The following CGRRF1 variants were observed in gnomAD, a reference collection of about 807,000 sequenced individuals.
The protein encoded by CGRRF1 is cell growth regulator with RING finger domain protein 1.
In CGRRF1, 32 loss-of-function variants were observed where a neutral mutation model predicts 37.2. The observed-to-expected ratio is 0.86, with a 90% confidence interval of 0.65 to 1.16. The LOEUF (loss-of-function observed/expected upper bound fraction) is 1.16, where lower values mean the gene tolerates loss of function less well. CGRRF1 is among the 50% of genes most tolerant of loss of function. CGRRF1 has a pLI of 0.00. For synonymous variants in CGRRF1, 141 were observed against 140.3 expected, an observed-to-expected ratio of 1.00 and a Z score of -0.04; for missense variants, 391 against 382.6, an observed-to-expected ratio of 1.02 and a Z score of -0.18.
chr14:54,538,266 G>C lies in CGRRF1; in HGVS notation c.882G>C (p.Leu294=), dbSNP rs775856358. 1 of 1,614,112 alleles carries C rather than the reference G, an allele frequency of 6.2e-7. No homozygotes were observed. Among genetic ancestry groups the C allele is most frequent in the Non-Finnish European group, 8.5e-7 (1 of 1,179,936 alleles). ...TCTTACCATGCAGACACACATGCCT[G>C]TGTGATGGCTGTGTGAAGTATTTTC... is the stretch of plus-strand genomic sequence containing the variant. ...WVLLPCRHTC[L]CDGCVKYFQQ... Residue 294 remains leucine, a synonymous_variant, in exon 6 of 6, where the codon CTG becomes CTC. Coordinates refer to ENST00000216420, the MANE Select transcript of CGRRF1 (RefSeq NM_006568.3).
intron 1 of CGRRF1, among the ~76,000 whole-genome samples, chr14:54,520,258 A>G (rs1036146901): frequency 3.3e-5 from 5 of 151,928 alleles, no homozygotes; most frequent in South Asian, 2.1e-4. Flanking sequence ...GCAGGCGCCC[A>G]CCACCACGCC....
At chr14:54,534,014 G>A (rs2032562053) in intron 4 of CGRRF1, among the ~76,000 whole-genome samples, 1 of 152,040 alleles carries the variant, frequency 6.6e-6, no homozygotes, top group African/African-American at 2.4e-5. Context: ...CTTTCACTTA[G>A]TAGTATATTC....
At chr14:54,532,996 G>A (rs2032540901) in intron 4 of CGRRF1, among the ~76,000 whole-genome samples, 1 of 151,700 alleles carries the variant, frequency 6.6e-6, no homozygotes, top group Non-Finnish European at 1.5e-5. Flanking sequence ...TTTTCCTTTG[G>A]TTCAGCACAA....
intron 1 of CGRRF1, among the ~76,000 whole-genome samples, chr14:54,512,491 G>A (rs964378576): frequency 1.3e-5 from 2 of 152,132 alleles, no homozygotes; most frequent in Admixed American, 6.5e-5. Flanking sequence ...AGCTATTCCC[G>A]GCCTCCTCTT....
At chr14:54,524,553 A>AT (rs1018414005) in intron 2 of CGRRF1, among the ~76,000 whole-genome samples, 48 of 151,792 alleles carry the variant, frequency 3.2e-4, no homozygotes, top group African/African-American at 1.0e-3. Context: ...GCCTGGCTAA[A>AT]TAAAAAAAAA....
chr14:54,521,778 A>G (rs1269580444), intron 1 of CGRRF1, among the ~76,000 whole-genome samples: 1 of 152,126 alleles, frequency 6.6e-6, no homozygotes, highest in Non-Finnish European at 1.5e-5. Context: ...AAGTGCTGGG[A>G]TTACAGGCAT....
chr14:54,509,952 A>G lies in CGRRF1; in HGVS notation c.-8A>G, dbSNP rs199796624. On this transcript the variant is annotated 5_prime_UTR_variant, in exon 1 of 6. Transcript: ENST00000216420. ...CTGGAGCCGGGCTCTACCCAGAGCAAGACCCTGATGGCTGCGGTGTTTCTG... is the reference window on the plus strand; with the variant it reads ...CTGGAGCCGGGCTCTACCCAGAGCAGGACCCTGATGGCTGCGGTGTTTCTG... 1.3e-3 allele frequency: 2,057 copies of G among 1,606,648 alleles called. 11 individuals carry two copies. The highest frequency in any genetic ancestry group is 2.5e-3 in the Middle Eastern group (15 of 6,044).
intron 2 of CGRRF1, among the ~76,000 whole-genome samples, chr14:54,523,745 A>C (rs2032361378): frequency 6.6e-6 from 1 of 152,180 alleles, no homozygotes; most frequent in Admixed American, 6.5e-5. Flanking sequence ...AAAGAATAGC[A>C]AGTTTCCAAA....
intron 1 of CGRRF1, among the ~76,000 whole-genome samples, chr14:54,514,818 C>T (rs1268051388): frequency 6.6e-6 from 1 of 152,162 alleles, no homozygotes; most frequent in Admixed American, 6.5e-5. Flanking sequence ...TTATTCAGGT[C>T]ATAATTTAAA....
rs1566514788 is a variant in CGRRF1 at position 54,538,248 on chromosome 14, A to G, written c.864A>G (p.Pro288=). Residue 288 remains proline, a synonymous_variant, in exon 6 of 6, where the codon CCA becomes CCG. Transcript: ENST00000216420. ...GGACTGTGAACTGGGTACTCTTACC[A>G]TGCAGACACACATGCCTGTGTGATG... ...QNGTVNWVLL[P]CRHTCLCDGC... 1.2e-6 allele frequency: 2 copies of G among 1,614,206 alleles called. No homozygotes were observed. The highest frequency in any genetic ancestry group is 1.7e-6 in the Non-Finnish European group (2 of 1,180,028).
chr14:54,539,142 C>G lies in CGRRF1; in HGVS notation c.*759C>G, dbSNP rs2140069895. The G allele has an allele frequency of 6.6e-6, 1 of 152,242 alleles. No homozygotes were observed. The highest frequency in any genetic ancestry group is 2.4e-5 in the African/African-American group (1 of 41,554). 9.4% of individuals were successfully genotyped at this position (152,242 alleles called of 1,614,324 possible). A position where few individuals can be genotyped will look rare whatever the true frequency, so the allele number is the denominator to read the frequency against. On this transcript the variant is annotated 3_prime_UTR_variant, in exon 6 of 6. Transcript: ENST00000216420. ...ATCTGTGAGACCTTTAATGCCTTACCTTAGATTTCTGCCTGCACAGCAAAT... is the reference window on the plus strand; with the variant it reads ...ATCTGTGAGACCTTTAATGCCTTACGTTAGATTTCTGCCTGCACAGCAAAT...
intron 2 of CGRRF1, among the ~76,000 whole-genome samples, chr14:54,528,386 G>T (rs1478246506): frequency 2.0e-5 from 3 of 151,322 alleles, no homozygotes; most frequent in Non-Finnish European, 4.4e-5. Context: ...GAACATTTGG[G>T]TTTATTCCAG....
intron 2 of CGRRF1, among the ~76,000 whole-genome samples, chr14:54,529,731 TA>T (rs1313241081): frequency 2.0e-4 from 31 of 152,222 alleles, no homozygotes; most frequent in African/African-American, 6.8e-4. Context: ...TAGTGAACTG[TA>T]TTTTAGTTTT....
In CGRRF1 at chr14:54,509,959, G is replaced by A. The variant is rs1367653162; in HGVS notation, c.-1G>A. 5 of 1,611,174 alleles carry A rather than the reference G, an allele frequency of 3.1e-6. No individual in the cohort carries two copies. The highest frequency in any genetic ancestry group is 3.3e-5 in the Admixed American group (2 of 60,000). ...CGGGCTCTACCCAGAGCAAGACCCT[G>A]ATGGCTGCGGTGTTTCTGGTAACGC... On this transcript the variant is annotated 5_prime_UTR_variant, in exon 1 of 6. Transcript: ENST00000216420.
At position 54,538,760 on chromosome 14, in the gene CGRRF1, T is replaced by G. The variant is rs1444042428; in HGVS notation, c.*377T>G. On this transcript the variant is annotated 3_prime_UTR_variant, in exon 6 of 6. Transcript: ENST00000216420. ...TACCTTTGATGTAATCGGAGTGCAA[T>G]TAAGAAAAAACTTAATTCTACTTAA... The G allele has an allele frequency of 6.2e-6, 1 of 161,604 alleles. No homozygotes were observed. Among genetic ancestry groups the G allele is most frequent in the Non-Finnish European group, 1.4e-5 (1 of 73,538 alleles). 10.0% of individuals were successfully genotyped at this position (161,604 alleles called of 1,614,324 possible).
At chr14:54,537,952 T>G (rs1446838374) in intron 5 of CGRRF1, 111 bp from the exon 6 acceptor site, 1 of 1,484,638 alleles carries the variant, frequency 6.7e-7, no homozygotes, top group Non-Finnish European at 8.9e-7. Context: ...TAACTGTTCT[T>G]TGCAATTGAA....
chr14:54,528,480 TAATC>T (rs2032451072), intron 2 of CGRRF1, among the ~76,000 whole-genome samples: 1 of 152,192 alleles, frequency 6.6e-6, no homozygotes, highest in Non-Finnish European at 1.5e-5. Context: ...CAATAATAAA[TAATC>T]ATTTTGTGTT....
At position 54,537,771 on chromosome 14, in the gene CGRRF1, C is replaced by T. The variant is rs370150557; in HGVS notation, c.620C>T (p.Ser207Phe). 2.5e-6 allele frequency: 4 copies of T among 1,598,882 alleles called. No individual in the cohort carries two copies. Among genetic ancestry groups the T allele is most frequent in the East Asian group, 2.3e-5 (1 of 44,274 alleles). ...IHIPDRTYKL[S>F]CRILYQYLLL... ...ATTCCTGATAGGACTTATAAACTAT[C>T]CTGCAGAATATTGTATCAATATTTA... is the stretch of plus-strand genomic sequence containing the variant. The change falls in exon 5 of 6, where the codon TCC (serine) becomes TTC (phenylalanine). Residue 207 changes from serine (S) to phenylalanine (F), a missense_variant. Transcript: ENST00000216420.
intron 1 of CGRRF1, among the ~76,000 whole-genome samples, chr14:54,517,755 T>C (rs1287353368): frequency 6.6e-6 from 1 of 152,192 alleles, no homozygotes; most frequent in Non-Finnish European, 1.5e-5. Context: ...CCATTAGCTA[T>C]TCTTGATGCT....
Sources: allele counts gnomAD v4.1 joint callset (sites outside exome capture counted in the v4.1 genomes callset), GRCh38; gene constraint gnomAD v4.1.1; transcripts MANE v1.5; gene names NCBI Gene and HGNC (gene_info 2026-07-23, HGNC 2026-07-21).